Variants in NPEPL1 observed in about 807,000 individuals in gnomAD.
NPEPL1 encodes probable aminopeptidase NPEPL1.
Under a neutral mutation model 52.4 loss-of-function variants are expected in NPEPL1, and 45 were observed. The ratio of observed to expected loss-of-function variants is 0.86; its 90% CI spans 0.68 to 1.10. The LOEUF is 1.10. NPEPL1 is among the 50% of genes least tolerant of loss of function. The pLI, the probability that NPEPL1 is intolerant of heterozygous loss-of-function variation, is 0.00. For missense variants in NPEPL1, 696 were observed against 710.9 expected (o/e 0.98, Z 0.24); for synonymous variants, 360 against 314.7 (o/e 1.14, Z -1.52).
intron 3 of NPEPL1, among the ~76,000 whole-genome samples, chr20:58,698,011 G>A (rs746818969): frequency 1.3e-5 from 2 of 152,172 alleles, no homozygotes; most frequent in Non-Finnish European, 2.9e-5. Context: ...CTTCCCCTCC[G>A]TGCCCAGAAC....
intron 3 of NPEPL1, among the ~76,000 whole-genome samples, chr20:58,697,438 C>T (rs892837435): frequency 3.9e-5 from 6 of 152,244 alleles, no homozygotes; most frequent in African/African-American, 7.2e-5. Context: ...GCGGCAGGGA[C>T]GGCTCAGGCA....
chr20:58,704,890 G>A (rs1191771027), intron 6 of NPEPL1, among the ~76,000 whole-genome samples: 1 of 152,240 alleles, frequency 6.6e-6, no homozygotes, highest in African/African-American at 2.4e-5. Flanking sequence ...CTCTGTGGCA[G>A]TTAAATCCGC....
chr20:58,696,850 A>G (rs2123093903), intron 3 of NPEPL1, among the ~76,000 whole-genome samples: 1 of 152,286 alleles, frequency 6.6e-6, no homozygotes, highest in African/African-American at 2.4e-5. Flanking sequence ...TGTTGTCCCC[A>G]CGACATTGAG....
Position 58,713,409 on chromosome 20 carries a change from C to T in NPEPL1, c.1002-11C>T. The T allele has an allele frequency of 1.3e-6, 2 of 1,593,218 alleles. No individual in the cohort carries two copies. The highest frequency in any genetic ancestry group is 1.7e-6 in the Non-Finnish European group (2 of 1,168,034). On this transcript the variant is annotated splice_polypyrimidine_tract_variant and intron_variant, in intron 8 of 11. Transcript: ENST00000356091. This position sits in a 1 kb window ranked among gnomAD's most constrained non-coding sequence, Gnocchi z 4.6. ...TCCCGTCCCTGAGCGGGGATCTCTA[C>T]CATGCCCCAGGACGGTGGAAATCAA... is the stretch of plus-strand genomic sequence containing the variant.
At chr20:58,691,929 G>A (rs2084357208), upstream of NPEPL1, 40 of 802,108 alleles carry the variant, frequency 5.0e-5, no homozygotes, top group South Asian at 5.4e-4. Flanking sequence ...GGGACCCTCC[G>A]CCTCCACCAT....
In NPEPL1 at chr20:58,693,772, C is replaced by A. The variant is rs1440852884; in HGVS notation, c.186C>A (p.Asn62Lys). The A allele has an allele frequency of 6.2e-7, 1 of 1,613,066 alleles. No homozygotes were observed. The highest frequency in any genetic ancestry group is 1.7e-5 in the Admixed American group (1 of 59,968). Residue 62 changes from asparagine (N) to lysine (K), a missense_variant, in exon 2 of 12, where the codon AAC becomes AAA. Transcript: ENST00000356091. The part of the protein sequence containing the change: ...WQAALSTLNP[N>K]PTDSCPLYLN... ...CTGCCCTGAGCACGCTCAACCCCAA[C>A]CCCACGGACAGCTGTCCCCTCTACC...
In NPEPL1 at chr20:58,713,292, G is replaced by T. The variant is rs1310807666; in HGVS notation, c.1002-128G>T. The T allele has an allele frequency of 1.6e-6, 2 of 1,256,624 alleles. No homozygotes were observed. The highest frequency in any genetic ancestry group is 3.0e-5 in the African/African-American group (2 of 66,296). The allele number at this position is 1,256,624 out of a possible 1,614,324, so 77.8% of individuals were successfully genotyped here. ...GGGCATCCCGGCCTTCCCATTCAGG[G>T]AACGTGTTGGGGTTCGGGGAGCCAC... On this transcript the variant is annotated intron_variant, in intron 8 of 11. Transcript: ENST00000356091. This position sits in a 1 kb window ranked among gnomAD's most constrained non-coding sequence, Gnocchi z 4.6.
At chr20:58,692,775 AG>A (rs2084378959), upstream of NPEPL1, 1 of 956,316 alleles carries the variant, frequency 1.0e-6, no homozygotes, top group Admixed American at 6.5e-5. This position sits in a 1 kb window ranked among gnomAD's most constrained non-coding sequence, Gnocchi z 5.7. Flanking sequence ...GCGGCGGGGG[AG>A]GCGGGGCCCG....
intron 1 of NPEPL1, 186 bp from the exon 2 acceptor site, chr20:58,693,551 C>G: frequency 1.8e-6 from 1 of 547,568 alleles, no homozygotes; most frequent in Admixed American, 3.5e-5. Flanking sequence ...TGCGAGCCAG[C>G]CTAGAGACAG....
At chr20:58,710,261 C>G (rs1193302941) in intron 7 of NPEPL1, among the ~76,000 whole-genome samples, 1 of 152,144 alleles carries the variant, frequency 6.6e-6, no homozygotes, top group Non-Finnish European at 1.5e-5. Flanking sequence ...TCTTGAACTC[C>G]TGACCTCAAG....
Position 58,713,834 on chromosome 20 carries a change from T to C in NPEPL1, c.1126-83T>C. ...CTTTTCTGGCTCCCTTATTTCTCTG[T>C]CTGCCTCCCGGTCCCTCTTTTGCCT... is the stretch of plus-strand genomic sequence containing the variant. On this transcript the variant is annotated intron_variant, in intron 9 of 11. Coordinates refer to ENST00000356091, the MANE Select transcript of NPEPL1 (RefSeq NM_024663.4). The surrounding 1 kb of genome is among the most constrained non-coding windows in gnomAD (Gnocchi z 4.6). 4 of 1,357,232 alleles carry C rather than the reference T, an allele frequency of 2.9e-6. No individual in the cohort carries two copies. Among genetic ancestry groups the C allele is most frequent in the Non-Finnish European group, 3.8e-6 (4 of 1,040,358 alleles). 84.1% of individuals were successfully genotyped at this position (1,357,232 alleles called of 1,614,324 possible).
Position 58,704,086 on chromosome 20 carries a change from G to A in NPEPL1, c.822+2928G>A, listed in dbSNP as rs3746394. ...TGAGCTGTTACTGTGTGGAGTGGGC[G>A]CTGAGGCTCCAGCCATTGATGCAAA... On this transcript the variant is annotated intron_variant, in intron 6 of 11. Coordinates refer to ENST00000356091, the MANE Select transcript of NPEPL1 (RefSeq NM_024663.4). 126 of 985,340 alleles carry A rather than the reference G, an allele frequency of 1.3e-4. 3 individuals carry two copies. In the East Asian group the frequency reaches 5.7e-3, roughly 44 times the overall value. The allele number at this position is 985,340 out of a possible 1,614,324, so 61.0% of individuals were successfully genotyped here.
chr20:58,689,998 T>G (rs1312667610), upstream of NPEPL1, among the ~76,000 whole-genome samples: 1 of 152,238 alleles, frequency 6.6e-6, no homozygotes, highest in Non-Finnish European at 1.5e-5. Context: ...TAATGGAATC[T>G]GAGAGCCTCG....
intron 7 of NPEPL1, 117 bp from the exon 8 acceptor site, chr20:58,712,362 A>C: frequency 2.9e-6 from 2 of 696,142 alleles, no homozygotes; most frequent in Non-Finnish European, 5.2e-6. Context: ...GGTCCCTGCA[A>C]CTTGGAGCCA....
At chr20:58,691,016 G>A (rs200804226), upstream of NPEPL1, 3,708 of 689,032 alleles carry the variant, frequency 5.4e-3, 46 homozygotes, top group Middle Eastern at 0.028. Flanking sequence ...CATATTCTGC[G>A]TCTGTGTTTC....
chr20:58,712,787 C>T (rs1371074473), intron 8 of NPEPL1: 1 of 671,320 alleles, frequency 1.5e-6, no homozygotes, highest in African/African-American at 1.8e-5. Flanking sequence ...GGATGAGGTG[C>T]TAGGCTCCCG....
intron 6 of NPEPL1, among the ~76,000 whole-genome samples, chr20:58,701,913 G>A (rs1384749781): frequency 1.3e-5 from 2 of 152,244 alleles, no homozygotes; most frequent in African/African-American, 2.4e-5. Flanking sequence ...TGGAGCCCCC[G>A]TCGTGGCCGA....
chr20:58,700,583 C>G (rs2084594159), intron 5 of NPEPL1, among the ~76,000 whole-genome samples: 1 of 152,182 alleles, frequency 6.6e-6, no homozygotes, highest in Non-Finnish European at 1.5e-5. Flanking sequence ...TCATGTAAAC[C>G]AAAGAGGCAG....
chr20:58,693,150 CGG>C (rs1250152318), intron 1 of NPEPL1, 100 bp downstream of exon 1: 9 of 848,042 alleles, frequency 1.1e-5, no homozygotes, highest in Non-Finnish European at 1.1e-5. Context: ...CCGCCGCCGC[CGG>C]GCCGGGCCCA....
Sources: gnomAD v4.1 joint callset for allele counts (sites outside exome capture counted in the v4.1 genomes callset) on GRCh38, gnomAD v4.1.1 for gene constraint, Gnocchi (gnomAD v3.1) non-coding constraint, MANE v1.5 for transcripts, NCBI Gene and HGNC (gene_info 2026-07-23, HGNC 2026-07-21) for gene names.